The following PCDHGA3 variants were observed in gnomAD, a reference collection of about 807,000 sequenced individuals.
PCDHGA3 encodes protocadherin gamma subfamily A, 3.
In PCDHGA3, 40 loss-of-function variants were observed where a neutral mutation model predicts 58.5. The ratio of observed to expected loss-of-function variants is 0.68; its 90% CI spans 0.53 to 0.89. PCDHGA3 has a LOEUF of 0.89. PCDHGA3 is among the 40% of genes least tolerant of loss of function. The pLI is 0.00. For synonymous variants in PCDHGA3, 530 were observed against 525.7 expected (o/e 1.01, Z -0.11); for missense variants, 1,223 against 1,195.9 (o/e 1.02, Z -0.33).
chr5:141,357,871 C>T (rs1760751635), intron 1 of PCDHGA3: 1 of 563,570 alleles, frequency 1.8e-6, no homozygotes, highest in African/African-American at 1.9e-5. Context: ...AATTTTACAA[C>T]TCTGAGCCAC....
chr5:141,389,612 G>A, intron 1 of PCDHGA3: 1 of 1,613,040 alleles, frequency 6.2e-7, no homozygotes, highest in Non-Finnish European at 8.5e-7. Flanking sequence ...TCGATATGGT[G>A]CCGCACGCTG....
chr5:141,472,852 G>A (rs1354948628), intron 1 of PCDHGA3, among the ~76,000 whole-genome samples: 1 of 151,160 alleles, frequency 6.6e-6, no homozygotes, highest in African/African-American at 2.4e-5. Flanking sequence ...TGGGCATGGT[G>A]GCACATGCCT....
chr5:141,373,139 A>G (rs886915700), intron 1 of PCDHGA3, among the ~76,000 whole-genome samples: 1 of 152,238 alleles, frequency 6.6e-6, no homozygotes, highest in Non-Finnish European at 1.5e-5. Flanking sequence ...CCTCACAATT[A>G]AGTGGTTTAC....
In PCDHGA3 at chr5:141,407,971, G is replaced by C. The variant is rs1399304138; in HGVS notation, c.2424+61514G>C. The C allele has an allele frequency of 7.0e-5, 50 of 717,762 alleles. No homozygotes were observed. In the South Asian group the frequency reaches 1.2e-3, roughly 17 times the overall value. 44.5% of individuals were successfully genotyped at this position (717,762 alleles called of 1,614,324 possible). On this transcript the variant is annotated intron_variant, in intron 1 of 3. Coordinates refer to ENST00000253812, the MANE Select transcript of PCDHGA3 (RefSeq NM_018916.4). The stretch of plus-strand genomic sequence containing the variant: ...CGGCCAGTGCAGAGCAAGCGCTGAC[G>C]CCGGGGATCCGTCAGCCTCTGGCCT...
intron 1 of PCDHGA3, among the ~76,000 whole-genome samples, chr5:141,482,767 A>G (rs2099572087): frequency 6.6e-6 from 1 of 150,474 alleles, no homozygotes; most frequent in East Asian, 1.9e-4. Flanking sequence ...TTTCATTATC[A>G]CTGAACCTTA....
intron 1 of PCDHGA3, chr5:141,419,027 G>A (rs1415215066): frequency 6.2e-7 from 1 of 1,613,870 alleles, no homozygotes; most frequent in Admixed American, 1.7e-5. Flanking sequence ...AAGTAGAGGT[G>A]TTCCATTTAA....
At position 141,431,808 on chromosome 5, in the gene PCDHGA3, C is replaced by A. The variant is rs2097419249; in HGVS notation, c.2425-62999C>A. Reference sequence around the variant, plus strand: ...GACAATGCCCCAGAAGTGGTCCTCACCTCTCTCGCCAGCTCGGTTCCCGAA... The same window carrying A: ...GACAATGCCCCAGAAGTGGTCCTCAACTCTCTCGCCAGCTCGGTTCCCGAA... On this transcript the variant is annotated intron_variant, in intron 1 of 3. Transcript: ENST00000253812. The surrounding 1 kb of genome is among the most constrained non-coding windows in gnomAD (Gnocchi z 4.8). The A allele has an allele frequency of 6.2e-7, 1 of 1,614,236 alleles. No individual in the cohort carries two copies. Among genetic ancestry groups the A allele is most frequent in the Non-Finnish European group, 8.5e-7 (1 of 1,180,040 alleles).
At chr5:141,387,479 A>C (rs2090961106) in intron 1 of PCDHGA3, among the ~76,000 whole-genome samples, 1 of 152,258 alleles carries the variant, frequency 6.6e-6, no homozygotes, top group Non-Finnish European at 1.5e-5. Context: ...AGTTGGGATG[A>C]AGGCATTCCT....
chr5:141,388,541 T>C, intron 1 of PCDHGA3: 1 of 1,613,800 alleles, frequency 6.2e-7, no homozygotes, highest in Non-Finnish European at 8.5e-7. Flanking sequence ...ACTTTGGAGC[T>C]CCACCCCTAA....
intron 1 of PCDHGA3, chr5:141,478,597 C>T: frequency 6.4e-7 from 1 of 1,567,010 alleles, no homozygotes; most frequent in Non-Finnish European, 8.7e-7. Flanking sequence ...TTTATTCCTA[C>T]ATCATATTGA....
rs376466215 is a variant in PCDHGA3, at chr5:141,390,102, A to G, written c.2424+43645A>G. ...TAAATCCGAATCCGTGGTTCCCCCC[A>G]ACTACAGCGAGGGGACTTTGCCTTA... is the stretch of plus-strand genomic sequence containing the variant. On this transcript the variant is annotated intron_variant, in intron 1 of 3. Transcript: ENST00000253812. The G allele has an allele frequency of 4.3e-6, 7 of 1,613,886 alleles. No homozygotes were observed. The African/African-American group carries it at 6.7e-5, about 15-fold the overall frequency.
chr5:141,383,235 T>C (rs1205858909), intron 1 of PCDHGA3: 2 of 1,613,838 alleles, frequency 1.2e-6, no homozygotes, highest in Admixed American at 3.3e-5. Flanking sequence ...TGATGGAAGA[T>C]AAAATGAATC....
intron 1 of PCDHGA3, chr5:141,393,662 A>G (rs1442061423): frequency 6.2e-7 from 1 of 1,613,816 alleles, no homozygotes; most frequent in African/African-American, 1.3e-5. Context: ...AATTCCGGAA[A>G]ATTAATGAAA....
Position 141,375,991 on chromosome 5 carries a change from C to A in PCDHGA3, c.2424+29534C>A, listed in dbSNP as rs770239249. 2 of 1,613,448 alleles carry A rather than the reference C, an allele frequency of 1.2e-6. No homozygotes were observed. The highest frequency in any genetic ancestry group is 2.7e-5 in the African/African-American group (2 of 75,068). On this transcript the variant is annotated intron_variant, in intron 1 of 3. Transcript: ENST00000253812. ...CGGCGCGCGCCCTGCTGGACAGAGA[C>A]GCGCTCAAGCAGAGCCTAGTGGTGG...
At chr5:141,498,958 A>T (rs1200201746) in intron 2 of PCDHGA3, among the ~76,000 whole-genome samples, 2 of 123,248 alleles carry the variant, frequency 1.6e-5, no homozygotes, top group Admixed American at 1.8e-4. Flanking sequence ...AAAGAGAGAG[A>T]GGGAGGGAGG....
intron 1 of PCDHGA3, chr5:141,375,869 A>G (rs767048735): frequency 1.2e-6 from 2 of 1,613,850 alleles, no homozygotes; most frequent in Admixed American, 1.7e-5. Context: ...GGCGGTGGAC[A>G]GAGACTCGGG....
At chr5:141,506,084 C>T (rs1426222889) in intron 3 of PCDHGA3, among the ~76,000 whole-genome samples, 8 of 152,068 alleles carry the variant, frequency 5.3e-5, no homozygotes, top group African/African-American at 1.9e-4. Flanking sequence ...AATAGAGATT[C>T]GGCTAGTGGT....
intron 1 of PCDHGA3, among the ~76,000 whole-genome samples, chr5:141,438,702 C>A (rs1217378337): frequency 5.7e-5 from 8 of 140,876 alleles, no homozygotes; most frequent in Non-Finnish European, 4.6e-5. Flanking sequence ...GCTCTGTCAC[C>A]CAGGCTGGAG....
Position 141,432,124 on chromosome 5 carries a change from C to G in PCDHGA3, c.2425-62683C>G, listed in dbSNP as rs1286909667. On this transcript the variant is annotated intron_variant, in intron 1 of 3. Transcript: ENST00000253812. The surrounding 1 kb of genome is among the most constrained non-coding windows in gnomAD (Gnocchi z 6.0). ...ACAACCCGCCGGTCTTCCCTCAGGC[C>G]TCCTATTCCGCTTATATCCCAGAGA... 6.2e-7 allele frequency: 1 copy of G among 1,614,156 alleles called. No homozygotes were observed. The highest frequency in any genetic ancestry group is 1.1e-5 in the South Asian group (1 of 91,066).
Sources: gnomAD v4.1 joint callset for allele counts (sites outside exome capture counted in the v4.1 genomes callset) on GRCh38, gnomAD v4.1.1 for gene constraint, Gnocchi (gnomAD v3.1) non-coding constraint, MANE v1.5 for transcripts, NCBI Gene and HGNC (gene_info 2026-07-23, HGNC 2026-07-21) for gene names.